LYPD6: variants seen among roughly 807,000 people sequenced by gnomAD.
LYPD6 encodes ly6/PLAUR domain-containing protein 6.
A neutral mutation model predicts 22.7 loss-of-function variants in LYPD6; 15 were observed. The ratio of observed to expected loss-of-function variants is 0.66; its 90% confidence interval spans 0.44 to 1.02. The LOEUF is 1.02. Among genes scored for constraint, LYPD6 ranks in the 50% least tolerant of loss-of-function variants. The pLI is 0.00. For missense variants in LYPD6, 189 were observed against 208.4 expected (o/e 0.91, Z 0.57); for synonymous variants, 72 against 77.5 (o/e 0.93, Z 0.37).
intron 1 of LYPD6, among the ~76,000 whole-genome samples, chr2:149,387,040 G>A (rs1682204608): frequency 1.3e-5 from 2 of 152,290 alleles, no homozygotes; most frequent in South Asian, 4.1e-4. Context: ...GCTGGGGACT[G>A]CAGTGGCCAT....
chr2:149,417,019 C>T lies in LYPD6; in HGVS notation c.-71-20619C>T, dbSNP rs73964420. 4.9e-3 allele frequency among the ~76,000 whole-genome samples: 746 copies of T among 152,228 alleles called. 6 individuals are homozygous for T. The highest frequency in any genetic ancestry group is 0.017 in the African/African-American group (701 of 41,524). On this transcript the variant is annotated intron_variant, in intron 1 of 4. Coordinates refer to ENST00000334166, the MANE Select transcript of LYPD6 (RefSeq NM_194317.5). ...GCCTATGGACCAGCCAGTCCACAAG[C>T]CCCCAGGTAGCAATGCTGGCTGGGG...
intron 1 of LYPD6, among the ~76,000 whole-genome samples, chr2:149,408,064 G>A (rs989270204): frequency 2.0e-5 from 3 of 152,092 alleles, no homozygotes; most frequent in East Asian, 1.9e-4. Context: ...CGTGATCTGC[G>A]AATGCTGCTG....
At chr2:149,361,810 G>A (rs1214124632) in intron 1 of LYPD6, among the ~76,000 whole-genome samples, 2 of 152,110 alleles carry the variant, frequency 1.3e-5, no homozygotes, top group African/African-American at 2.4e-5. Flanking sequence ...CATGGTAAAA[G>A]GGATTTCTTA....
chr2:149,331,091 G>A (rs549655568), intron 1 of LYPD6, among the ~76,000 whole-genome samples: 2 of 152,168 alleles, frequency 1.3e-5, no homozygotes, highest in South Asian at 4.1e-4. Flanking sequence ...AGGAACTCCA[G>A]CCGGAGGGAG....
At chr2:149,419,785 T>G (rs753269763) in intron 1 of LYPD6, among the ~76,000 whole-genome samples, 1 of 152,136 alleles carries the variant, frequency 6.6e-6, no homozygotes, top group Non-Finnish European at 1.5e-5. Context: ...TTTGATCAAA[T>G]TCCTTTGCCT....
rs201150253 is a variant in LYPD6 at position 149,470,879 on chromosome 2, G to A, written c.*29G>A. ...CTCAGTGGCTCCATGTGTTAATAGC[G>A]ATCCATGGGGATCTCGATGGTCCAC... On this transcript the variant is annotated 3_prime_UTR_variant, in exon 5 of 5. Transcript: ENST00000334166. The A allele has an allele frequency of 3.3e-5, 53 of 1,582,682 alleles. No individual in the cohort carries two copies. The highest frequency in any genetic ancestry group is 4.0e-5 in the African/African-American group (3 of 74,256).
At chr2:149,371,557 G>T (rs1681809986) in intron 1 of LYPD6, among the ~76,000 whole-genome samples, 1 of 152,178 alleles carries the variant, frequency 6.6e-6, no homozygotes, top group Admixed American at 6.5e-5. Context: ...AAGCAAGCAG[G>T]TTTTTTGTGT....
intron 1 of LYPD6, among the ~76,000 whole-genome samples, chr2:149,403,963 T>C (rs1202212660): frequency 6.6e-6 from 1 of 152,206 alleles, no homozygotes; most frequent in Non-Finnish European, 1.5e-5. Context: ...CTAACCAGTT[T>C]TCCCAGCACC....
chr2:149,376,431 G>C (rs900308997), intron 1 of LYPD6, among the ~76,000 whole-genome samples: 2 of 151,984 alleles, frequency 1.3e-5, no homozygotes, highest in Non-Finnish European at 2.9e-5. Flanking sequence ...TGCTCAGTAG[G>C]GGGGTCTTCC....
chr2:149,398,261 T>C (rs1321618108), intron 1 of LYPD6, among the ~76,000 whole-genome samples: 1 of 152,200 alleles, frequency 6.6e-6, no homozygotes, highest in Non-Finnish European at 1.5e-5. Flanking sequence ...TTACTGTCTC[T>C]CTTCCATATA....
At chr2:149,344,597 A>G (rs1681219755) in intron 1 of LYPD6, among the ~76,000 whole-genome samples, 1 of 152,168 alleles carries the variant, frequency 6.6e-6, no homozygotes, top group Non-Finnish European at 1.5e-5. Flanking sequence ...AATGTGCGCT[A>G]TTCTTCCCTT....
chr2:149,437,611 T>C, intron 1 of LYPD6, 27 bp from the exon 2 acceptor site: 5 of 1,564,648 alleles, frequency 3.2e-6, no homozygotes, highest in Non-Finnish European at 4.3e-6. Flanking sequence ...AGTCGATCAC[T>C]GAGATGATTC....
chr2:149,363,998 T>G (rs146268868), intron 1 of LYPD6, among the ~76,000 whole-genome samples: 14 of 152,292 alleles, frequency 9.2e-5, no homozygotes, highest in African/African-American at 2.9e-4. Context: ...CTTTCCTACT[T>G]TTAAAAAAAT....
intron 1 of LYPD6, among the ~76,000 whole-genome samples, chr2:149,382,847 C>A (rs570047773): frequency 6.6e-6 from 1 of 152,050 alleles, no homozygotes; most frequent in African/African-American, 2.4e-5. Flanking sequence ...TTCTAGAATT[C>A]TTTAAGATAG....
intron 1 of LYPD6, among the ~76,000 whole-genome samples, chr2:149,433,701 A>G (rs1361017624): frequency 2.0e-5 from 3 of 152,162 alleles, no homozygotes; most frequent in Non-Finnish European, 4.4e-5. Flanking sequence ...CCTATCTCAC[A>G]TGAAGACATG....
chr2:149,399,989 C>T (rs1270972687), intron 1 of LYPD6, among the ~76,000 whole-genome samples: 1 of 152,190 alleles, frequency 6.6e-6, no homozygotes, highest in African/African-American at 2.4e-5. Flanking sequence ...TGCTGGTCCA[C>T]AAAACCCTCC....
At chr2:149,403,310 AC>A (rs1322180555) in intron 1 of LYPD6, among the ~76,000 whole-genome samples, 3 of 150,358 alleles carry the variant, frequency 2.0e-5, no homozygotes, top group Non-Finnish European at 3.0e-5. Context: ...CGCCACACTG[AC>A]TTCCACAATG....
At chr2:149,468,887 T>C in intron 4 of LYPD6, 112 bp downstream of exon 4, 1 of 1,159,304 alleles carries the variant, frequency 8.6e-7, no homozygotes. Context: ...TGTCTTTTGA[T>C]TGTCTTTATG....
chr2:149,340,706 T>C (rs1229954607), intron 1 of LYPD6, among the ~76,000 whole-genome samples: 1 of 152,182 alleles, frequency 6.6e-6, no homozygotes, highest in Non-Finnish European at 1.5e-5. Flanking sequence ...CAACATATAG[T>C]TTTTGACATT....
Sources: allele counts gnomAD v4.1 joint callset (sites outside exome capture counted in the v4.1 genomes callset), GRCh38; gene constraint gnomAD v4.1.1; transcripts MANE v1.5; gene names NCBI Gene and HGNC (gene_info 2026-07-23, HGNC 2026-07-21).